PPP3R1: variants seen among roughly 807,000 people sequenced by gnomAD.
PPP3R1 encodes the protein calcineurin subunit B type 1.
In PPP3R1, 5 loss-of-function variants were observed where a neutral mutation model predicts 22.6. The ratio of observed to expected loss-of-function variants is 0.22; its 90% CI spans 0.12 to 0.46. The LOEUF (loss-of-function observed/expected upper bound fraction) is 0.46. PPP3R1 is among the 20% of genes least tolerant of loss of function. PPP3R1 has a pLI of 0.99. For missense variants in PPP3R1, 61 were observed against 203.2 expected (o/e 0.30, Z 4.25); for synonymous variants, 56 against 65.2 (o/e 0.86, Z 0.68).
In PPP3R1 at chr2:68,252,243, G is replaced by A. The variant is rs1025900031; in HGVS notation, c.-116C>T. 4 of 1,100,586 alleles carry A rather than the reference G, an allele frequency of 3.6e-6. No individual in the cohort carries two copies. The highest frequency in any genetic ancestry group is 4.8e-5 in the Admixed American group (1 of 20,646). The allele number at this position is 1,100,586 out of a possible 1,614,324, so 68.2% of individuals were successfully genotyped here. On this transcript the variant is annotated 5_prime_UTR_variant, in exon 1 of 6. Transcript: ENST00000234310. ...GCTGCGGCCCTCGGGTCGCCGGCGG[G>A]GAGGGGGCGCGCGTGGGGGAGGGGA...
intron 2 of PPP3R1, among the ~76,000 whole-genome samples, chr2:68,213,820 G>GA (rs1475471170): frequency 6.6e-6 from 1 of 152,094 alleles, no homozygotes; most frequent in African/African-American, 2.4e-5. Flanking sequence ...CACAGAATTA[G>GA]AAAAAACTAT....
At chr2:68,193,434 C>G (rs1674706569) in intron 2 of PPP3R1, among the ~76,000 whole-genome samples, 2 of 152,098 alleles carry the variant, frequency 1.3e-5, no homozygotes, top group Admixed American at 1.3e-4. Context: ...ACTAAATACT[C>G]AGTATTTACA....
At chr2:68,186,733 C>G in intron 4 of PPP3R1, 81 bp from the exon 5 acceptor site, 1 of 1,222,018 alleles carries the variant, frequency 8.2e-7, no homozygotes, top group Non-Finnish European at 1.2e-6. Flanking sequence ...AAATAGTAAA[C>G]TGACAAACAT....
At chr2:68,183,465 A>T (rs1021230126) in intron 5 of PPP3R1, among the ~76,000 whole-genome samples, 5 of 152,234 alleles carry the variant, frequency 3.3e-5, no homozygotes, top group African/African-American at 1.2e-4. Context: ...TAGATGCTCC[A>T]TAAGCCCTCT....
chr2:68,247,239 C>CCAGGCTGGTCTGGAACTCTTG (rs1553410006), intron 1 of PPP3R1, among the ~76,000 whole-genome samples: 1 of 152,180 alleles, frequency 6.6e-6, no homozygotes, highest in Non-Finnish European at 1.5e-5. Flanking sequence ...AGGGATGAGC[C>CCAGGCTGGTCTGGAACTCTTG]ACTGTGCCTA....
intron 5 of PPP3R1, among the ~76,000 whole-genome samples, chr2:68,185,221 A>AG (rs940648168): frequency 1.3e-5 from 2 of 150,632 alleles, no homozygotes; most frequent in African/African-American, 4.8e-5. Flanking sequence ...CCGTTTCAAA[A>AG]AAAAAAAAAA....
chr2:68,199,006 C>T (rs375035930), intron 2 of PPP3R1, among the ~76,000 whole-genome samples: 36 of 152,234 alleles, frequency 2.4e-4, no homozygotes, highest in African/African-American at 6.7e-4. Context: ...CTCTGTCACC[C>T]AGGCTGGAGT....
At chr2:68,220,408 G>T (rs1412994909) in intron 1 of PPP3R1, among the ~76,000 whole-genome samples, 1 of 152,196 alleles carries the variant, frequency 6.6e-6, no homozygotes, top group Non-Finnish European at 1.5e-5. Context: ...TAACTTTTGG[G>T]AGTTTGCACA....
At position 68,240,714 on chromosome 2, in the gene PPP3R1, G is replaced by A. The variant is rs551466794; in HGVS notation, c.3+11411C>T. Reference sequence around the variant, plus strand: ...AACGATACTGGGTGAATGACACAAGGCCAAGTGGCTAGAGCACAGAAAACA... The same window carrying A: ...AACGATACTGGGTGAATGACACAAGACCAAGTGGCTAGAGCACAGAAAACA... On this transcript the variant is annotated intron_variant, in intron 1 of 5. Transcript: ENST00000234310. 2.0e-5 allele frequency among the ~76,000 whole-genome samples: 3 copies of A among 152,338 alleles called. No individual in the cohort carries two copies. In the South Asian group the frequency reaches 6.2e-4, roughly 32 times the overall value.
chr2:68,181,188 G>A (rs541780219), intron 5 of PPP3R1, among the ~76,000 whole-genome samples, 178 bp from the exon 6 acceptor site: 2 of 152,128 alleles, frequency 1.3e-5, no homozygotes, highest in Non-Finnish European at 2.9e-5. Context: ...AGGAGATCGA[G>A]ACCATCCTGG....
rs118156428 is a variant in PPP3R1, at chr2:68,184,868, G to A, written c.465+1600C>T. 7.6e-4 allele frequency among the ~76,000 whole-genome samples: 115 copies of A among 152,232 alleles called. 1 individual carries two copies. The East Asian group carries it at 0.016, about 21-fold the overall frequency. Reference sequence around the variant, plus strand: ...TTTGGAAGGCTGAAATGGGACGATCGCTTGAAGCTAGGAGCTGGAGACCAG... The same window carrying A: ...TTTGGAAGGCTGAAATGGGACGATCACTTGAAGCTAGGAGCTGGAGACCAG... On this transcript the variant is annotated intron_variant, in intron 5 of 5. Coordinates refer to ENST00000234310, the MANE Select transcript of PPP3R1 (RefSeq NM_000945.4).
chr2:68,218,329 A>AAAG (rs1199758833), intron 1 of PPP3R1, among the ~76,000 whole-genome samples: 1 of 152,168 alleles, frequency 6.6e-6, no homozygotes, highest in Non-Finnish European at 1.5e-5. Context: ...AAGGCTAATC[A>AAAG]GTAAATTACC....
chr2:68,228,184 T>C (rs938180232), intron 1 of PPP3R1, among the ~76,000 whole-genome samples: 3 of 152,190 alleles, frequency 2.0e-5, no homozygotes, highest in Non-Finnish European at 4.4e-5. Flanking sequence ...TCTATTAATA[T>C]AATTATACAG....
At position 68,180,877 on chromosome 2, in the gene PPP3R1, C is replaced by A. The variant is rs1674385899; in HGVS notation, c.*86G>T. The A allele has an allele frequency of 1.5e-6, 2 of 1,344,348 alleles. No homozygotes were observed. Among genetic ancestry groups the A allele is most frequent in the East Asian group, 2.4e-5 (1 of 42,360 alleles). 83.3% of individuals were successfully genotyped at this position (1,344,348 alleles called of 1,614,324 possible). Reference sequence around the variant, plus strand: ...AGAGAAAAATACTTCCATTTAAATACACAGAGAGCATTGCTGGACGTCTTG... The same window carrying A: ...AGAGAAAAATACTTCCATTTAAATAAACAGAGAGCATTGCTGGACGTCTTG... On this transcript the variant is annotated 3_prime_UTR_variant, in exon 6 of 6. Transcript: ENST00000234310.
chr2:68,198,338 TG>T, intron 2 of PPP3R1, among the ~76,000 whole-genome samples: 1 of 90,806 alleles, frequency 1.1e-5, no homozygotes, highest in Non-Finnish European at 2.2e-5. Context: ...TGTACATATA[TG>T]TACATGTATA....
intron 2 of PPP3R1, among the ~76,000 whole-genome samples, chr2:68,202,565 C>T (rs1246238307): frequency 2.6e-5 from 4 of 151,910 alleles, no homozygotes; most frequent in African/African-American, 9.7e-5. Context: ...GCTGGGATTA[C>T]GGGCACCCAC....
At chr2:68,250,421 T>C (rs1020210920) in intron 1 of PPP3R1, among the ~76,000 whole-genome samples, 2 of 152,222 alleles carry the variant, frequency 1.3e-5, no homozygotes, top group African/African-American at 4.8e-5. Flanking sequence ...CTGTATAATA[T>C]ATAAACAACA....
intron 5 of PPP3R1, among the ~76,000 whole-genome samples, chr2:68,184,864 G>A (rs1457491627): frequency 1.3e-5 from 2 of 152,166 alleles, no homozygotes; most frequent in South Asian, 2.1e-4. Context: ...GAAATGGGAC[G>A]ATCGCTTGAA....
intron 1 of PPP3R1, 105 bp from the exon 2 acceptor site, chr2:68,217,236 A>G: frequency 1.5e-6 from 1 of 681,726 alleles, no homozygotes; most frequent in Admixed American, 2.8e-5. Context: ...ATAAGCCATA[A>G]ACTAATAATA....
Sources: gnomAD v4.1 joint callset for allele counts (sites outside exome capture counted in the v4.1 genomes callset) on GRCh38, gnomAD v4.1.1 for gene constraint, MANE v1.5 for transcripts, NCBI Gene and HGNC (gene_info 2026-07-23, HGNC 2026-07-21) for gene names.